AOAH: variants seen among roughly 807,000 people sequenced by gnomAD.
AOAH encodes acyloxyacyl hydrolase, also known as acyloxyacyl hydrolase (neutrophil).
AOAH carries 64 observed loss-of-function variants against 92.2 expected under a neutral mutation model. The observed-to-expected ratio is 0.69, with a 90% confidence interval of 0.57 to 0.86. AOAH has a LOEUF of 0.86. Among genes scored for constraint, AOAH ranks in the 40% least tolerant of loss-of-function variants. The pLI is 0.00. For missense variants in AOAH, 656 were observed against 694.6 expected (o/e 0.94, Z 0.62); for synonymous variants, 263 against 254.5 (o/e 1.03, Z -0.32).
intron 19 of AOAH, among the ~76,000 whole-genome samples, chr7:36,524,423 G>A (rs1199431101): frequency 6.6e-6 from 1 of 151,046 alleles, no homozygotes; most frequent in Non-Finnish European, 1.5e-5. Flanking sequence ...TAGGAGGGTT[G>A]ATCACAAGGT....
intron 4 of AOAH, among the ~76,000 whole-genome samples, chr7:36,649,135 A>C (rs1794417665): frequency 6.6e-6 from 1 of 152,218 alleles, no homozygotes; most frequent in Non-Finnish European, 1.5e-5. Context: ...AGCTTAGTAA[A>C]GCTTTGAGCT....
Position 36,621,720 on chromosome 7 carries a change from G to C in AOAH, c.643C>G (p.Pro215Ala). The change falls in exon 8 of 21, where the codon CCA becomes GCA. Residue 215 changes from proline (P) to alanine (A), a missense_variant. By Grantham distance (27) the Pro-to-Ala change is conservative. Transcript: ENST00000617537. ...DCNDSDESVYPGRRPNNWDVH... is the reference protein window; with the variant it reads ...DCNDSDESVYAGRRPNNWDVH... ...AGCAGAAATAGTTACCTTCTACCTG[G>C]GTACACTGACTCGTCGCTGTCATTA... is the stretch of plus-strand genomic sequence containing the variant. The C allele has an allele frequency of 6.2e-7, 1 of 1,613,960 alleles. No individual in the cohort carries two copies. Among genetic ancestry groups the C allele is most frequent in the Non-Finnish European group, 8.5e-7 (1 of 1,179,956 alleles).
Position 36,548,637 on chromosome 7 carries a change from T to C in AOAH, c.1108A>G (p.Met370Val), listed in dbSNP as rs781200360. The change falls in exon 15 of 21, where the codon ATG becomes GTG. Residue 370 changes from methionine (M) to valine (V), a missense_variant. Physicochemically the swap from Met to Val is conservative, Grantham distance 21. Coordinates refer to ENST00000617537, the MANE Select transcript of AOAH (RefSeq NM_001637.4). Reference protein sequence around the residue: ...LDYPAIVIYAMIGNDVCSGKS... With the variant: ...LDYPAIVIYAVIGNDVCSGKS... Reference sequence around the variant, plus strand: ...CCACTGCAGACATCATTTCCAATCATGGCATATATAACGATGGCGGGATAG... The same window carrying C: ...CCACTGCAGACATCATTTCCAATCACGGCATATATAACGATGGCGGGATAG... The C allele has an allele frequency of 1.2e-6, 2 of 1,613,802 alleles. No individual in the cohort carries two copies. Among genetic ancestry groups the C allele is most frequent in the East Asian group, 2.2e-5 (1 of 44,862 alleles).
chr7:36,721,166 C>G (rs1799610880), intron 1 of AOAH, among the ~76,000 whole-genome samples: 2 of 152,200 alleles, frequency 1.3e-5, no homozygotes, highest in African/African-American at 4.8e-5. Flanking sequence ...CTTGCCAGAA[C>G]TGTCTCCACC....
At chr7:36,685,806 T>C (rs1290615338) in intron 2 of AOAH, among the ~76,000 whole-genome samples, 1 of 152,216 alleles carries the variant, frequency 6.6e-6, no homozygotes, top group Non-Finnish European at 1.5e-5. Context: ...TAAACACTTG[T>C]GTTTGTGTAT....
At chr7:36,518,595 A>G (rs1474276501) in intron 20 of AOAH, among the ~76,000 whole-genome samples, 2 of 152,232 alleles carry the variant, frequency 1.3e-5, no homozygotes, top group Non-Finnish European at 2.9e-5. Flanking sequence ...GTGGAATAAA[A>G]TCTATTCTAG....
chr7:36,521,432 G>A (rs1784102369), intron 20 of AOAH, among the ~76,000 whole-genome samples: 2 of 152,220 alleles, frequency 1.3e-5, no homozygotes, highest in African/African-American at 4.8e-5. Context: ...ATAATGGGAT[G>A]GGAGTGGAGC....
intron 13 of AOAH, among the ~76,000 whole-genome samples, chr7:36,552,150 T>G (rs1004487433): frequency 6.6e-6 from 1 of 152,152 alleles, no homozygotes; most frequent in Non-Finnish European, 1.5e-5. Context: ...CACCTAGGTA[T>G]TAAGCCCAGC....
chr7:36,517,176 T>TCTC (rs1562853631), intron 20 of AOAH, among the ~76,000 whole-genome samples: 9 of 47,564 alleles, frequency 1.9e-4, no homozygotes, highest in South Asian at 6.6e-4. Flanking sequence ...CTTTCTTTCT[T>TCTC]TCTTTCTTTC....
chr7:36,712,117 T>C (rs1332319231), intron 1 of AOAH, among the ~76,000 whole-genome samples: 2 of 152,218 alleles, frequency 1.3e-5, no homozygotes, highest in African/African-American at 2.4e-5. Context: ...TAAGTCGTGA[T>C]AATAAATTTT....
intron 12 of AOAH, among the ~76,000 whole-genome samples, chr7:36,578,615 T>G (rs78250014): frequency 0.091 from 13,832 of 152,256 alleles, 740 homozygotes; most frequent in Admixed American, 0.14. Context: ...CATCTCTAAG[T>G]AACATACTTT....
intron 11 of AOAH, among the ~76,000 whole-genome samples, chr7:36,596,858 T>C (rs1050304342): frequency 6.6e-6 from 1 of 152,196 alleles, no homozygotes; most frequent in Non-Finnish European, 1.5e-5. Flanking sequence ...AATATGCTTG[T>C]TGCTTTTATT....
At chr7:36,539,219 G>A (rs185319233) in intron 16 of AOAH, among the ~76,000 whole-genome samples, 6 of 152,274 alleles carry the variant, frequency 3.9e-5, no homozygotes, top group African/African-American at 1.4e-4. Context: ...TGAATTTCTC[G>A]CCTGACTCCT....
chr7:36,513,419 T>G (rs747031256), intron 20 of AOAH, 39 bp from the exon 21 acceptor site: 1 of 1,598,014 alleles, frequency 6.3e-7, no homozygotes, highest in East Asian at 2.2e-5. Context: ...AAAGGGAAAT[T>G]AGGACAAATC....
chr7:36,513,414 G>A, intron 20 of AOAH, 34 bp from the exon 21 acceptor site: 3 of 1,602,760 alleles, frequency 1.9e-6, no homozygotes, highest in Non-Finnish European at 2.6e-6. Context: ...GAGGAAAAGG[G>A]AAATTAGGAC....
intron 20 of AOAH, 41 bp downstream of exon 20, chr7:36,521,998 C>A (rs1374263459): frequency 1.3e-6 from 2 of 1,538,540 alleles, no homozygotes; most frequent in Non-Finnish European, 1.8e-6. Context: ...ACCAACAAAC[C>A]ATCAAATAGC....
chr7:36,578,662 C>G (rs1413503036), intron 12 of AOAH, among the ~76,000 whole-genome samples: 1 of 152,210 alleles, frequency 6.6e-6, no homozygotes, highest in Admixed American at 6.5e-5. Context: ...TTGACATTAT[C>G]TGTTCACTTC....
chr7:36,670,518 G>C (rs970109929), intron 3 of AOAH, among the ~76,000 whole-genome samples: 4 of 151,994 alleles, frequency 2.6e-5, no homozygotes, highest in African/African-American at 9.7e-5. Flanking sequence ...AATGTGATTC[G>C]GGCTGGAGTG....
At chr7:36,532,400 A>G in intron 16 of AOAH, 56 bp from the exon 17 acceptor site, 1 of 1,561,968 alleles carries the variant, frequency 6.4e-7, no homozygotes. Flanking sequence ...CAGCATTTAG[A>G]GGCACCTGGG....
Sources: gnomAD v4.1 joint callset for allele counts (sites outside exome capture counted in the v4.1 genomes callset) on GRCh38, gnomAD v4.1.1 for gene constraint, MANE v1.5 for transcripts, NCBI Gene and HGNC (gene_info 2026-07-23, HGNC 2026-07-21) for gene names.